Variants in LRRTM4 observed in about 807,000 individuals in gnomAD.
The protein encoded by LRRTM4 is leucine-rich repeat transmembrane neuronal protein 4.
LRRTM4 carries 25 observed loss-of-function variants against 47.6 expected under a neutral mutation model. The ratio of observed to expected loss-of-function variants is 0.53; its 90% CI spans 0.38 to 0.73. The LOEUF (loss-of-function observed/expected upper bound fraction) is 0.73. LRRTM4 is among the 30% of genes least tolerant of loss of function. LRRTM4 has a pLI of 0.00. For missense variants in LRRTM4, 638 were observed against 713.4 expected, an observed-to-expected ratio of 0.89 and a Z score of 1.20; for synonymous variants, 311 against 269.5, an observed-to-expected ratio of 1.15 and a Z score of -1.51.
At chr2:76,842,106 C>T (rs1178681957) in intron 3 of LRRTM4, among the ~76,000 whole-genome samples, 3 of 152,142 alleles carry the variant, frequency 2.0e-5, no homozygotes, top group African/African-American at 7.2e-5. Flanking sequence ...AAGCAGATGG[C>T]CCTTCCCATT....
At chr2:77,180,476 A>G (rs934461968) in intron 3 of LRRTM4, among the ~76,000 whole-genome samples, 3 of 152,130 alleles carry the variant, frequency 2.0e-5, no homozygotes, top group African/African-American at 2.4e-5. Flanking sequence ...TGTGACCTGT[A>G]TAAGTCCTTC....
chr2:77,243,184 G>A (rs928595982), intron 3 of LRRTM4, among the ~76,000 whole-genome samples: 6 of 151,948 alleles, frequency 3.9e-5, no homozygotes, highest in Non-Finnish European at 5.9e-5. Flanking sequence ...AGGCCGAGGC[G>A]GGTGGATCAC....
intron 3 of LRRTM4, among the ~76,000 whole-genome samples, chr2:76,868,299 C>T (rs901063941): frequency 6.6e-6 from 1 of 152,044 alleles, no homozygotes; most frequent in Non-Finnish European, 1.5e-5. Context: ...AGACATAGGA[C>T]CCAGTTTCTA....
intron 3 of LRRTM4, among the ~76,000 whole-genome samples, chr2:76,988,080 G>C (rs1278168939): frequency 6.6e-6 from 1 of 151,698 alleles, no homozygotes; most frequent in Non-Finnish European, 1.5e-5. Flanking sequence ...CTAGCTCTGG[G>C]TTCTTTTTTC....
intron 3 of LRRTM4, among the ~76,000 whole-genome samples, chr2:77,059,413 A>C (rs1349073477): frequency 6.6e-6 from 1 of 151,888 alleles, no homozygotes; most frequent in African/African-American, 2.4e-5. Flanking sequence ...CTTAGATATT[A>C]GAACCAAATA....
chr2:77,464,515 T>C (rs1472623226), intron 3 of LRRTM4, among the ~76,000 whole-genome samples: 1 of 151,628 alleles, frequency 6.6e-6, no homozygotes, highest in African/African-American at 2.4e-5. Flanking sequence ...ATTTCCTTTT[T>C]TTTCAAACTA....
At chr2:76,990,850 G>C (rs1289225356) in intron 3 of LRRTM4, among the ~76,000 whole-genome samples, 3 of 151,482 alleles carry the variant, frequency 2.0e-5, no homozygotes, top group Non-Finnish European at 4.4e-5. Context: ...ATATACATTA[G>C]TGTCTTCTGC....
intron 3 of LRRTM4, among the ~76,000 whole-genome samples, chr2:77,372,981 A>C (rs1303841278): frequency 6.6e-6 from 1 of 150,856 alleles, no homozygotes; most frequent in South Asian, 2.1e-4. Flanking sequence ...AAGGGTCATA[A>C]GGAATATCAC....
intron 3 of LRRTM4, among the ~76,000 whole-genome samples, chr2:77,334,533 G>A (rs1671090773): frequency 6.6e-6 from 1 of 152,094 alleles, no homozygotes; most frequent in African/African-American, 2.4e-5. Flanking sequence ...CTCTTTGCCT[G>A]CTGCCATCCA....
At chr2:76,943,823 T>A (rs946578795) in intron 3 of LRRTM4, among the ~76,000 whole-genome samples, 2 of 152,234 alleles carry the variant, frequency 1.3e-5, no homozygotes, top group African/African-American at 4.8e-5. Context: ...TCAGCCTTAA[T>A]GTCTTGCTTA....
chr2:76,782,059 T>C (rs1267481977), intron 3 of LRRTM4, among the ~76,000 whole-genome samples: 3 of 152,222 alleles, frequency 2.0e-5, no homozygotes, highest in East Asian at 1.9e-4. Context: ...TAAGTTGTCA[T>C]AGAATGACTT....
At chr2:77,370,962 G>A (rs547716649) in intron 3 of LRRTM4, among the ~76,000 whole-genome samples, 12 of 151,800 alleles carry the variant, frequency 7.9e-5, no homozygotes, top group South Asian at 4.1e-4. Context: ...TCAAATGAAG[G>A]TGGATTTAAT....
intron 3 of LRRTM4, among the ~76,000 whole-genome samples, chr2:77,175,707 A>G (rs1673177115): frequency 6.6e-6 from 1 of 152,162 alleles, no homozygotes; most frequent in Non-Finnish European, 1.5e-5. Flanking sequence ...CCATCATGAT[A>G]GCCCCTTGGT....
intron 3 of LRRTM4, among the ~76,000 whole-genome samples, chr2:76,780,691 G>T (rs989715869): frequency 6.6e-6 from 1 of 151,964 alleles, no homozygotes. Context: ...CAACTTCTTT[G>T]CCTTTGGTTT....
chr2:76,991,090 G>C (rs944316813), intron 3 of LRRTM4, among the ~76,000 whole-genome samples: 3 of 151,620 alleles, frequency 2.0e-5, no homozygotes, highest in Admixed American at 6.6e-5. Context: ...AACATTCTTT[G>C]AAATAAACGA....
intron 3 of LRRTM4, among the ~76,000 whole-genome samples, chr2:76,891,880 T>C (rs1164632937): frequency 6.6e-6 from 1 of 151,482 alleles, no homozygotes; most frequent in African/African-American, 2.4e-5. Flanking sequence ...AACATTTCAA[T>C]GACAAAAAAT....
At chr2:77,131,297 A>G (rs1159829936) in intron 3 of LRRTM4, among the ~76,000 whole-genome samples, 1 of 152,172 alleles carries the variant, frequency 6.6e-6, no homozygotes, top group Non-Finnish European at 1.5e-5. Flanking sequence ...ATTTGAGACG[A>G]GAGACTAAAC....
chr2:76,866,109 T>C (rs1291949832), intron 3 of LRRTM4, among the ~76,000 whole-genome samples: 1 of 152,080 alleles, frequency 6.6e-6, no homozygotes, highest in Non-Finnish European at 1.5e-5. Context: ...AGTAACTTGG[T>C]ACTATTCCTT....
chr2:76,947,626 C>A (rs538947758), intron 3 of LRRTM4, among the ~76,000 whole-genome samples: 1 of 151,834 alleles, frequency 6.6e-6, no homozygotes, highest in East Asian at 1.9e-4. Context: ...AACATACATA[C>A]AAATAGACAT....
Sources: allele counts gnomAD v4.1 joint callset (sites outside exome capture counted in the v4.1 genomes callset), GRCh38; gene constraint gnomAD v4.1.1; transcripts MANE v1.5; gene names NCBI Gene and HGNC (gene_info 2026-07-23, HGNC 2026-07-21).